Variants in ADAMTS5 observed in about 807,000 individuals in gnomAD.
ADAMTS5 encodes ADAM metallopeptidase with thrombospondin type 1 motif 5, also known as A disintegrin and metalloproteinase with thrombospondin motifs 5.
Under a neutral mutation model 81.4 loss-of-function variants are expected in ADAMTS5, and 54 were observed. That is an observed-to-expected ratio of 0.66 (90% CI 0.53 to 0.83). The LOEUF (loss-of-function observed/expected upper bound fraction) is 0.83. ADAMTS5 is among the 40% of genes least tolerant of loss of function. The pLI is 0.00. For missense variants in ADAMTS5, 1,194 were observed against 1,229.9 expected, an observed-to-expected ratio of 0.97 and a Z score of 0.44; for synonymous variants, 532 against 508.8, an observed-to-expected ratio of 1.05 and a Z score of -0.61.
At chr21:26,929,638 A>G (rs1986868467) in intron 7 of ADAMTS5, among the ~76,000 whole-genome samples, 2 of 152,120 alleles carry the variant, frequency 1.3e-5, no homozygotes, top group Admixed American at 1.3e-4. Flanking sequence ...TTCTGACTCT[A>G]CAAGCTATTG....
Position 26,965,665 on chromosome 21 carries a change from C to A in ADAMTS5, c.727G>T (p.Ala243Ser), listed in dbSNP as rs1363444344. 2.5e-6 allele frequency: 4 copies of A among 1,589,380 alleles called. No individual in the cohort carries two copies. Among genetic ancestry groups the A allele is most frequent in the Non-Finnish European group, 3.4e-6 (4 of 1,170,474 alleles). The change falls in exon 1 of 8, where the codon GCT becomes TCT. Residue 243 changes from alanine (A) to serine (S), a missense_variant. Physicochemically the swap from Ala to Ser is moderately conservative, Grantham distance 99. Around this residue, in one of 2 missense-constraint regions of ADAMTS5, gnomAD observed 498 missense variants for 412.3 expected, o/e 1.21. Transcript: ENST00000284987. Reference sequence around the variant, plus strand: ...CCTGAGCCCCCAGCGGGCGAGAGAGCGGACTGGTCCAAGAGCTGCGAGGCC... The same window carrying A: ...CCTGAGCCCCCAGCGGGCGAGAGAGAGGACTGGTCCAAGAGCTGCGAGGCC... The part of the protein sequence containing the change: ...ALASQLLDQS[A>S]LSPAGGSGPQ...
chr21:26,964,275 G>C (rs189146220), intron 1 of ADAMTS5, among the ~76,000 whole-genome samples: 1 of 152,276 alleles, frequency 6.6e-6, no homozygotes, highest in Admixed American at 6.5e-5. Flanking sequence ...CTATGCGCAA[G>C]CCAGGCCCCA....
chr21:26,966,097 G>A lies in ADAMTS5; in HGVS notation c.295C>T (p.Leu99Phe). Residue 99 changes from leucine (L) to phenylalanine (F), a missense_variant, in exon 1 of 8, where the codon CTC becomes TTC. Leu to Phe is a conservative substitution (Grantham distance 22). Around this residue, in one of 2 missense-constraint regions of ADAMTS5, gnomAD observed 498 missense variants for 412.3 expected, o/e 1.21. Transcript: ENST00000284987. ...YLVYAGGRRF[L>F]LDLERDGSVG... is the part of the protein sequence containing the mutation. ...GAACCATCTCGCTCCAGGTCCAAGA[G>A]GAACCTCCGGCCGCCCGCGTAGACG... 2 of 1,612,912 alleles carry A rather than the reference G, an allele frequency of 1.2e-6. No individual in the cohort carries two copies. Among genetic ancestry groups the A allele is most frequent in the South Asian group, 1.1e-5 (1 of 91,082 alleles).
intron 1 of ADAMTS5, among the ~76,000 whole-genome samples, chr21:26,962,225 T>G (rs985273165): frequency 1.3e-5 from 2 of 152,020 alleles, no homozygotes; most frequent in African/African-American, 2.4e-5. Context: ...AAAAAACGAC[T>G]GTAAGAGTTT....
chr21:26,920,916 C>T lies in ADAMTS5; in HGVS notation c.*3137G>A, dbSNP rs1986681667. Reference sequence around the variant, plus strand: ...ACATGAGGAATATATACATATACACCTGCTTCACACAGAAAGCTTTCTGTA... The same window carrying T: ...ACATGAGGAATATATACATATACACTTGCTTCACACAGAAAGCTTTCTGTA... On this transcript the variant is annotated 3_prime_UTR_variant, in exon 8 of 8. Coordinates refer to ENST00000284987, the MANE Select transcript of ADAMTS5 (RefSeq NM_007038.5). The T allele has an allele frequency of 6.6e-6, 1 of 152,386 alleles. No individual in the cohort carries two copies. The highest frequency in any genetic ancestry group is 1.5e-5 in the Non-Finnish European group (1 of 67,982). The allele number at this position is 152,386 out of a possible 1,614,324, so 9.4% of individuals were successfully genotyped here.
chr21:26,937,518 T>C (rs181580122), intron 3 of ADAMTS5, among the ~76,000 whole-genome samples: 1 of 152,350 alleles, frequency 6.6e-6, no homozygotes, highest in African/African-American at 2.4e-5. Flanking sequence ...AATTATGTCC[T>C]TTTGCAACAA....
intron 2 of ADAMTS5, among the ~76,000 whole-genome samples, chr21:26,944,399 A>T (rs1987174765): frequency 6.6e-6 from 1 of 152,214 alleles, no homozygotes; most frequent in Non-Finnish European, 1.5e-5. Flanking sequence ...CTGAAGTTCC[A>T]GTCAAGCTAG....
At chr21:26,925,335 T>A (rs1207555718) in intron 7 of ADAMTS5, among the ~76,000 whole-genome samples, 1 of 152,200 alleles carries the variant, frequency 6.6e-6, no homozygotes, top group Non-Finnish European at 1.5e-5. Flanking sequence ...GTAATGATAT[T>A]ACTAATACCA....
chr21:26,943,197 G>T (rs1987145727), intron 3 of ADAMTS5, among the ~76,000 whole-genome samples, 183 bp downstream of exon 3: 1 of 152,146 alleles, frequency 6.6e-6, no homozygotes, highest in African/African-American at 2.4e-5. Context: ...TAGCTAAAAT[G>T]CCACCAAGGA....
Position 26,966,206 on chromosome 21 carries a change from G to T in ADAMTS5, c.186C>A (p.His62Gln), listed in dbSNP as rs754602182. ...TGCTCCTGCGCCGCTGCGCCAGGGG[G>T]TGCGGGTGGCCGGGAGGCTCGGCTC... is the stretch of plus-strand genomic sequence containing the variant. Reference protein sequence around the residue: ...QERAEPPGHPHPLAQRRRSKG... With the variant: ...QERAEPPGHPQPLAQRRRSKG... Residue 62 changes from histidine to glutamine, a missense_variant, in exon 1 of 8, where the codon CAC becomes CAA. His to Gln is a conservative substitution (Grantham distance 24). Around this residue, in one of 2 missense-constraint regions of ADAMTS5, gnomAD observed 498 missense variants for 412.3 expected, o/e 1.21. Transcript: ENST00000284987. 6 of 1,597,214 alleles carry T rather than the reference G, an allele frequency of 3.8e-6. No individual in the cohort carries two copies. Among genetic ancestry groups the T allele is most frequent in the Admixed American group, 3.4e-5 (2 of 58,380 alleles).
At position 26,965,770 on chromosome 21, in the gene ADAMTS5, T is replaced by A; in HGVS notation, c.622A>T (p.Ser208Cys). The A allele has an allele frequency of 6.2e-7, 1 of 1,601,568 alleles. No individual in the cohort carries two copies. Among genetic ancestry groups the A allele is most frequent in the South Asian group, 1.1e-5 (1 of 89,196 alleles). ...GGTGTGGACGCGGGGGTTTCGCAGC[T>A]GGCGCGCGGCGGCAGGGCCTCGAAG... The part of the protein sequence containing the change: ...FSFEALPPRA[S>C]CETPASTPEA... The change falls in exon 1 of 8, where the codon AGC becomes TGC. Residue 208 changes from serine to cysteine, a missense_variant. Physicochemically the swap from Ser to Cys is moderately radical, Grantham distance 112. Around this residue, in one of 2 missense-constraint regions of ADAMTS5, gnomAD observed 498 missense variants for 412.3 expected, o/e 1.21. Transcript: ENST00000284987.
chr21:26,920,930 A>C lies in ADAMTS5; in HGVS notation c.*3123T>G, dbSNP rs80083448. On this transcript the variant is annotated 3_prime_UTR_variant, in exon 8 of 8. Transcript: ENST00000284987. Reference sequence around the variant, plus strand: ...TACATATACACCTGCTTCACACAGAAAGCTTTCTGTAAAAAAATACAAAAG... The same window carrying C: ...TACATATACACCTGCTTCACACAGACAGCTTTCTGTAAAAAAATACAAAAG... 8,074 of 152,630 alleles carry C rather than the reference A, an allele frequency of 0.053. 325 individuals carry two copies. The highest frequency in any genetic ancestry group is 0.092 in the Middle Eastern group (27 of 294). 9.5% of individuals were successfully genotyped at this position (152,630 alleles called of 1,614,324 possible).
chr21:26,966,570 C>A lies in ADAMTS5; in HGVS notation c.-179G>T, dbSNP rs1360106321. On this transcript the variant is annotated 5_prime_UTR_variant, in exon 1 of 8. Coordinates refer to ENST00000284987, the MANE Select transcript of ADAMTS5 (RefSeq NM_007038.5). ...CAGCCTGTCCGGGCTGCGGTGCCAG[C>A]GTGCGAACTTTTCTTTGTTGCTTGG... is the stretch of plus-strand genomic sequence containing the variant. 3 of 390,848 alleles carry A rather than the reference C, an allele frequency of 7.7e-6. No homozygotes were observed. Among genetic ancestry groups the A allele is most frequent in the African/African-American group, 5.2e-5 (2 of 38,792 alleles). The allele number at this position is 390,848 out of a possible 1,614,324, so 24.2% of individuals were successfully genotyped here. A position where few individuals can be genotyped will look rare whatever the true frequency, so the allele number is the denominator to read the frequency against.
chr21:26,936,496 AT>A (rs1320370378), intron 3 of ADAMTS5, among the ~76,000 whole-genome samples: 2 of 152,210 alleles, frequency 1.3e-5, no homozygotes, highest in Non-Finnish European at 2.9e-5. Flanking sequence ...GAGAAATAGA[AT>A]ATTCAGCATA....
intron 3 of ADAMTS5, among the ~76,000 whole-genome samples, chr21:26,937,457 T>C (rs754178702): frequency 7.2e-5 from 11 of 152,232 alleles, no homozygotes; most frequent in Non-Finnish European, 1.6e-4. Context: ...GATTTGTAGC[T>C]GCATCAATTT....
intron 2 of ADAMTS5, among the ~76,000 whole-genome samples, chr21:26,944,769 C>T (rs549661709): frequency 6.6e-6 from 1 of 152,106 alleles, no homozygotes; most frequent in Non-Finnish European, 1.5e-5. Context: ...TAAAACCCAA[C>T]AGAGATGAAA....
rs758642653 is a variant in ADAMTS5, at chr21:26,924,351, A to G, written c.2495T>C (p.Val832Ala). ...GYSATKEILI[V>A]QILATDPTKP... ...AGTGGGGTCTGTTGCAAGAATCTGCACTATTAGAATTTCCTTCGTGGCAGA... is the reference window on the plus strand; with the variant it reads ...AGTGGGGTCTGTTGCAAGAATCTGCGCTATTAGAATTTCCTTCGTGGCAGA... The change falls in exon 8 of 8, where the codon GTG becomes GCG. Residue 832 changes from valine (V) to alanine (A), a missense_variant. By Grantham distance (64) the Val-to-Ala change is moderately conservative (BLOSUM62 0). Transcript: ENST00000284987. 1 of 1,614,212 alleles carries G rather than the reference A, an allele frequency of 6.2e-7. No homozygotes were observed. Among genetic ancestry groups the G allele is most frequent in the South Asian group, 1.1e-5 (1 of 91,084 alleles).
Position 26,932,090 on chromosome 21 carries a change from TG to T in ADAMTS5, c.1962del (p.Lys655AsnfsTer13), listed in dbSNP as rs1568840443. Reference sequence around the variant, plus strand: ...TCCGCTGGCAGGACACCTGCATATTTGGGAACCCATTCCACAAAAGTTTTGA... The same window carrying T: ...TCCGCTGGCAGGACACCTGCATATTTGGAACCCATTCCACAAAAGTTTTGA... ...KGVKTFVEWV[P>X]KYAGVLPADV... is the part of the protein sequence containing the mutation. On this transcript the variant is annotated frameshift_variant, in exon 6 of 8. Coordinates refer to ENST00000284987, the MANE Select transcript of ADAMTS5 (RefSeq NM_007038.5). LOFTEE classifies it high-confidence loss of function. The T allele has an allele frequency of 6.2e-7, 1 of 1,614,222 alleles. No homozygotes were observed. The highest frequency in any genetic ancestry group is 1.6e-4 in the Middle Eastern group (1 of 6,062).
intron 2 of ADAMTS5, among the ~76,000 whole-genome samples, chr21:26,945,162 A>C (rs573293188): frequency 4.3e-4 from 65 of 152,036 alleles, no homozygotes; most frequent in African/African-American, 7.5e-4. Flanking sequence ...AAAAAAAAAA[A>C]AACAATCTTT....
Sources: allele counts gnomAD v4.1 joint callset (sites outside exome capture counted in the v4.1 genomes callset), GRCh38; gene constraint gnomAD v4.1.1; regional missense constraint gnomAD v4.1.1; transcripts MANE v1.5; gene names NCBI Gene and HGNC (gene_info 2026-07-23, HGNC 2026-07-21).